The following ERC1 variants were observed in gnomAD, a reference collection of about 807,000 sequenced individuals.
The protein encoded by ERC1 is ELKS/RAB6-interacting/CAST family member 1, also known as RAB6 interacting protein 2.
Under a neutral mutation model 132.0 loss-of-function variants are expected in ERC1, and 56 were observed. That is an observed-to-expected ratio of 0.42 (90% CI 0.34 to 0.53). ERC1 has a LOEUF of 0.53. Ranked by LOEUF, ERC1 falls within the 20% of genes least tolerant of loss-of-function variation. ERC1 has a pLI of 0.03. For missense variants in ERC1, 1,202 were observed against 1,349.9 expected, an observed-to-expected ratio of 0.89 and a Z score of 1.72; for synonymous variants, 478 against 476.1, an observed-to-expected ratio of 1.00 and a Z score of -0.05.
intron 2 of ERC1, among the ~76,000 whole-genome samples, chr12:1,039,337 C>CAAA (rs573363202): frequency 7.1e-5 from 8 of 113,110 alleles, no homozygotes; most frequent in Admixed American, 1.9e-4. Context: ...GACGTTGTCT[C>CAAA]AAAAAAAAAA....
chr12:1,460,714 A>AGGT (rs913080715), intron 18 of ERC1, among the ~76,000 whole-genome samples: 14 of 151,754 alleles, frequency 9.2e-5, no homozygotes, highest in South Asian at 2.1e-4. Flanking sequence ...CTTGTTTCTA[A>AGGT]GGTGGTGGTG....
At chr12:1,222,440 C>T (rs1308279996) in intron 12 of ERC1, among the ~76,000 whole-genome samples, 1 of 151,976 alleles carries the variant, frequency 6.6e-6, no homozygotes, top group Non-Finnish European at 1.5e-5. Flanking sequence ...GTCTCAAACT[C>T]CTGATCTCAA....
At chr12:1,408,780 C>T (rs1264403774) in intron 17 of ERC1, among the ~76,000 whole-genome samples, 1 of 152,178 alleles carries the variant, frequency 6.6e-6, no homozygotes, top group Admixed American at 6.5e-5. Flanking sequence ...AAATTGTTGC[C>T]TTCAACTTCT....
At chr12:1,158,743 G>T (rs889290079) in intron 8 of ERC1, among the ~76,000 whole-genome samples, 1 of 151,740 alleles carries the variant, frequency 6.6e-6, no homozygotes, top group South Asian at 2.1e-4. Flanking sequence ...GTGAGCCACC[G>T]CGCCTGGCTG....
In ERC1 at chr12:1,245,417, A is replaced by G. The variant is rs533541185; in HGVS notation, c.2487+8513A>G. On this transcript the variant is annotated intron_variant, in intron 13 of 18. Transcript: ENST00000360905. ...TTGTTGATCATTATTTGTGAGATTC[A>G]TTTGTATTAGTTATATGTAGCATCC... is the stretch of plus-strand genomic sequence containing the variant. 1.0e-3 allele frequency among the ~76,000 whole-genome samples: 157 copies of G among 152,212 alleles called. 1 individual carries two copies. Among genetic ancestry groups the G allele is most frequent in the Non-Finnish European group, 1.3e-3 (91 of 68,004 alleles).
chr12:1,129,836 GAAAA>G (rs60585974), intron 7 of ERC1, among the ~76,000 whole-genome samples: 8 of 150,046 alleles, frequency 5.3e-5, no homozygotes, highest in African/African-American at 2.0e-4. Flanking sequence ...TGAGATGCAA[GAAAA>G]AAAAACAGGA....
chr12:1,263,147 G>A lies in ERC1; in HGVS notation c.2601G>A (p.Arg867=), dbSNP rs1450353833. The A allele has an allele frequency of 1.9e-6, 3 of 1,613,956 alleles. No individual in the cohort carries two copies. Among genetic ancestry groups the A allele is most frequent in the South Asian group, 1.1e-5 (1 of 91,068 alleles). The change falls in exon 14 of 19, where the codon AGG becomes AGA. Residue 867 remains arginine (R), a synonymous_variant. Coordinates refer to ENST00000360905, the MANE Select transcript of ERC1 (RefSeq NM_178040.4). ...TGCTAGCACAAGAGGAATCAGCCAG[G>A]ACCAATGCTGAAAAACAGGTCTGCT... is the stretch of plus-strand genomic sequence containing the variant. ...EMVLAQEESA[R]TNAEKQVEEL... is the part of the protein sequence containing the mutation.
intron 2 of ERC1, among the ~76,000 whole-genome samples, chr12:1,076,635 C>T (rs761035826): frequency 1.1e-4 from 17 of 152,104 alleles, no homozygotes; most frequent in East Asian, 3.9e-4. Context: ...CCTTGTGATC[C>T]GCCTGCCTTG....
In ERC1 at chr12:1,009,396, G is replaced by A. The variant is rs542112229; in HGVS notation, c.-157+18074G>A. Among the ~76,000 whole-genome samples, 23 of 152,156 alleles carry A rather than the reference G, an allele frequency of 1.5e-4. No homozygotes were observed. In the East Asian group the frequency reaches 2.3e-3, roughly 15 times the overall value. On this transcript the variant is annotated intron_variant, in intron 1 of 18. Coordinates refer to ENST00000360905, the MANE Select transcript of ERC1 (RefSeq NM_178040.4). ...TCACCGTGTTAGCCAGGATGGTCTT[G>A]ATCTCCTGACCTCGTGATCCGCCCA...
intron 7 of ERC1, among the ~76,000 whole-genome samples, chr12:1,129,572 A>G (rs1286781306): frequency 1.3e-5 from 2 of 152,178 alleles, no homozygotes; most frequent in Non-Finnish European, 2.9e-5. Flanking sequence ...ATTACGTGTA[A>G]AGGATTAACA....
At chr12:1,083,026 C>T in intron 2 of ERC1, 138 bp from the exon 3 acceptor site, 1 of 695,280 alleles carries the variant, frequency 1.4e-6, no homozygotes, top group Non-Finnish European at 2.4e-6. Context: ...TTTTAAGGAC[C>T]TGTAAAACAG....
chr12:991,575 G>A (rs970908728), intron 1 of ERC1: 44 of 152,168 alleles, frequency 2.9e-4, no homozygotes, highest in African/African-American at 1.0e-3. Flanking sequence ...GCCCACCCGC[G>A]GGCTCCACCC....
intron 9 of ERC1, 148 bp downstream of exon 9, chr12:1,180,825 A>C: frequency 1.1e-6 from 1 of 935,416 alleles, no homozygotes; most frequent in African/African-American, 1.8e-5. Flanking sequence ...GAAGGGAAAC[A>C]TTTTTTTTAG....
At chr12:1,473,176 C>T (rs1484219015) in intron 18 of ERC1, among the ~76,000 whole-genome samples, 2 of 152,128 alleles carry the variant, frequency 1.3e-5, no homozygotes, top group East Asian at 1.9e-4. Context: ...CAGGCACGCA[C>T]CACCATGCCC....
At chr12:992,520 TTAAAA>T (rs1305501295) in intron 1 of ERC1, among the ~76,000 whole-genome samples, 3 of 152,244 alleles carry the variant, frequency 2.0e-5, no homozygotes, top group Non-Finnish European at 4.4e-5. Context: ...TTAAAACACT[TTAAAA>T]TGAAATGGAA....
intron 13 of ERC1, among the ~76,000 whole-genome samples, chr12:1,238,708 G>A (rs986137041): frequency 6.6e-6 from 1 of 151,938 alleles, no homozygotes; most frequent in Non-Finnish European, 1.5e-5. Context: ...TTCTTACCCT[G>A]CTCATCATTT....
chr12:1,063,295 C>G (rs1163519884), intron 2 of ERC1, among the ~76,000 whole-genome samples: 1 of 150,824 alleles, frequency 6.6e-6, no homozygotes, highest in Non-Finnish European at 1.5e-5. Flanking sequence ...GAATATTGCT[C>G]TGTCGCCCAG....
intron 14 of ERC1, among the ~76,000 whole-genome samples, chr12:1,267,148 T>G (rs73027479): frequency 0.025 from 3,815 of 152,328 alleles, 55 homozygotes; most frequent in Middle Eastern, 0.071. Context: ...TGTAATGACC[T>G]AATGAAGGAA....
At chr12:1,270,639 TTAA>T (rs1161745841) in intron 14 of ERC1, among the ~76,000 whole-genome samples, 26 of 151,716 alleles carry the variant, frequency 1.7e-4, no homozygotes, top group Admixed American at 6.6e-4. Flanking sequence ...GTATTCATGT[TTAA>T]TAATAATTTT....
Sources: gnomAD v4.1 joint callset for allele counts (sites outside exome capture counted in the v4.1 genomes callset) on GRCh38, gnomAD v4.1.1 for gene constraint, MANE v1.5 for transcripts, NCBI Gene and HGNC (gene_info 2026-07-23, HGNC 2026-07-21) for gene names.